PI4KA: variants seen among roughly 807,000 people sequenced by gnomAD.
PI4KA encodes the protein PI4-kinase alpha.
PI4KA carries 122 observed loss-of-function variants against 271.4 expected under a neutral mutation model. That is an observed-to-expected ratio of 0.45 (90% CI 0.39 to 0.52). PI4KA has a LOEUF of 0.52. Ranked by LOEUF, PI4KA falls within the 20% of genes least tolerant of loss-of-function variation. The pLI is 0.00. For synonymous variants in PI4KA, 1,041 were observed against 1,078.8 expected, an observed-to-expected ratio of 0.96 and a Z score of 0.69; for missense variants, 1,969 against 2,769.1, an observed-to-expected ratio of 0.71 and a Z score of 6.48.
chr22:20,779,986 A>G (rs373456844), intron 19 of PI4KA: 13 of 1,614,196 alleles, frequency 8.1e-6, no homozygotes, highest in Non-Finnish European at 1.0e-5. Context: ...AATGACCTTT[A>G]TATCCAGAAG....
chr22:20,854,618 G>A (rs964257635), intron 1 of PI4KA, among the ~76,000 whole-genome samples: 1 of 152,112 alleles, frequency 6.6e-6, no homozygotes, highest in African/African-American at 2.4e-5. Context: ...ACCAATGTCT[G>A]AGCTGAGATG....
intron 25 of PI4KA, among the ~76,000 whole-genome samples, 158 bp from the exon 26 acceptor site, chr22:20,751,913 G>A (rs1292784228): frequency 6.6e-6 from 1 of 152,168 alleles, no homozygotes; most frequent in African/African-American, 2.4e-5. Context: ...GGCCTCCTCA[G>A]GCTCATTGCA....
At chr22:20,833,653 TTTTG>T (rs1569084913) in intron 3 of PI4KA, among the ~76,000 whole-genome samples, 9 of 100,394 alleles carry the variant, frequency 9.0e-5, no homozygotes, top group Non-Finnish European at 1.3e-4. Flanking sequence ...TTTGGTTTGT[TTTTG>T]TTTTTTTTTT....
intron 1 of PI4KA, among the ~76,000 whole-genome samples, chr22:20,844,324 T>C (rs1380937540): frequency 6.6e-6 from 1 of 152,174 alleles, no homozygotes; most frequent in Non-Finnish European, 1.5e-5. Context: ...GGTACAGGGC[T>C]ACTAGAAAGC....
intron 19 of PI4KA, chr22:20,786,739 GTGACTC>G (rs1466429486): frequency 2.1e-4 from 189 of 904,032 alleles, no homozygotes; most frequent in Admixed American, 6.9e-4. Flanking sequence ...ATTTTCAAGA[GTGACTC>G]TGACCAGCTG....
intron 4 of PI4KA, among the ~76,000 whole-genome samples, chr22:20,822,493 A>C (rs936150792): frequency 5.3e-5 from 8 of 152,232 alleles, no homozygotes; most frequent in Non-Finnish European, 8.8e-5. Flanking sequence ...TCACTGTACA[A>C]ATCTGTGATT....
At chr22:20,797,477 T>C (rs1935053655) in intron 17 of PI4KA, among the ~76,000 whole-genome samples, 1 of 151,964 alleles carries the variant, frequency 6.6e-6, no homozygotes, top group South Asian at 2.1e-4. Flanking sequence ...TGTGTGCAGG[T>C]TCCATGGCAG....
chr22:20,858,489 C>T, intron 1 of PI4KA, 81 bp downstream of exon 1: 4 of 1,079,826 alleles, frequency 3.7e-6, no homozygotes, highest in Non-Finnish European at 4.8e-6. Context: ...CTCGGCCTCC[C>T]ACAGACCCTC....
rs572213455 is a variant in PI4KA, at chr22:20,734,732, G to A, written c.3742-179C>T. On this transcript the variant is annotated intron_variant, in intron 32 of 54. Coordinates refer to ENST00000255882, the MANE Select transcript of PI4KA (RefSeq NM_058004.4). ...CCACATCCCAGGGTCATCTGTGTCA[G>A]TGCTTGGTGTATTTTCTCCAGCCTC... 5.1e-6 allele frequency: 4 copies of A among 790,828 alleles called. No homozygotes were observed. The East Asian group carries it at 1.1e-4, about 21-fold the overall frequency. The allele number at this position is 790,828 out of a possible 1,614,324, so 49.0% of individuals were successfully genotyped here.
intron 1 of PI4KA, among the ~76,000 whole-genome samples, chr22:20,857,898 C>T (rs998297874): frequency 5.9e-5 from 9 of 152,188 alleles, no homozygotes; most frequent in Non-Finnish European, 1.3e-4. Flanking sequence ...ATGACTTCAC[C>T]TTTCTCTTCT....
At chr22:20,803,128 A>AG (rs1301378777) in intron 13 of PI4KA, 63 bp downstream of exon 13, 1 of 1,540,396 alleles carries the variant, frequency 6.5e-7, no homozygotes, top group Non-Finnish European at 9.0e-7. Flanking sequence ...AACCTGTGTG[A>AG]GGCTCACACA....
intron 19 of PI4KA, among the ~76,000 whole-genome samples, chr22:20,781,131 A>G (rs1453602821): frequency 2.0e-5 from 3 of 152,154 alleles, no homozygotes; most frequent in African/African-American, 7.2e-5. Flanking sequence ...GCTGAGCACA[A>G]GGGCACTTTT....
At chr22:20,827,127 C>T (rs1187024016) in intron 3 of PI4KA, among the ~76,000 whole-genome samples, 1 of 152,086 alleles carries the variant, frequency 6.6e-6, no homozygotes, top group African/African-American at 2.4e-5. Flanking sequence ...TAAATCTTTG[C>T]CAGGGTCTAT....
chr22:20,819,376 G>A (rs1039970288), intron 6 of PI4KA, among the ~76,000 whole-genome samples: 4 of 151,094 alleles, frequency 2.6e-5, no homozygotes, highest in African/African-American at 7.3e-5. Flanking sequence ...ACATAATGGC[G>A]ATAAGGCTTT....
chr22:20,807,299 T>C lies in PI4KA; in HGVS notation c.1168+63A>G, dbSNP rs180957396. 524 of 1,003,240 alleles carry C rather than the reference T, an allele frequency of 5.2e-4. 1 individual carries two copies. In the African/African-American group the frequency reaches 7.8e-3, roughly 15 times the overall value. The allele number at this position is 1,003,240 out of a possible 1,614,324, so 62.1% of individuals were successfully genotyped here. A position where few individuals can be genotyped will look rare whatever the true frequency, so the allele number is the denominator to read the frequency against. The stretch of plus-strand genomic sequence containing the variant: ...GAGTACCAGTCTGCAACCACTAGCA[T>C]GCGACAGTGGCCTGGGAGCCAGTCT... On this transcript the variant is annotated intron_variant, in intron 10 of 54. Coordinates refer to ENST00000255882, the MANE Select transcript of PI4KA (RefSeq NM_058004.4).
At position 20,858,782 on chromosome 22, in the gene PI4KA, C is replaced by T; in HGVS notation, c.-57G>A. On this transcript the variant is annotated 5_prime_UTR_variant, in exon 1 of 55. Coordinates refer to ENST00000255882, the MANE Select transcript of PI4KA (RefSeq NM_058004.4). ...TCCCCGCTCCTGGCCCGCGAGCGCCCGACCTCAGGGCGCAGGCGTAGGTGC... is the reference window on the plus strand; with the variant it reads ...TCCCCGCTCCTGGCCCGCGAGCGCCTGACCTCAGGGCGCAGGCGTAGGTGC... 2.2e-6 allele frequency: 3 copies of T among 1,367,270 alleles called. No individual in the cohort carries two copies. Among genetic ancestry groups the T allele is most frequent in the Non-Finnish European group, 2.8e-6 (3 of 1,056,316 alleles). 84.7% of individuals were successfully genotyped at this position (1,367,270 alleles called of 1,614,324 possible). A position where few individuals can be genotyped will look rare whatever the true frequency, so the allele number is the denominator to read the frequency against.
intron 19 of PI4KA, among the ~76,000 whole-genome samples, chr22:20,784,572 G>A (rs774349326): frequency 6.6e-6 from 1 of 152,092 alleles, no homozygotes; most frequent in African/African-American, 2.4e-5. Context: ...TTACTTCCCC[G>A]GGTCACTTGA....
intron 13 of PI4KA, 55 bp from the exon 14 acceptor site, chr22:20,802,160 C>T (rs1935372058): frequency 1.3e-6 from 2 of 1,533,838 alleles, no homozygotes; most frequent in South Asian, 2.3e-5. Context: ...TTTCCATCAC[C>T]TTCTTTGTAA....
At chr22:20,806,287 T>C (rs1165355847) in intron 10 of PI4KA, among the ~76,000 whole-genome samples, 1 of 152,184 alleles carries the variant, frequency 6.6e-6, no homozygotes, top group East Asian at 1.9e-4. Flanking sequence ...GCATAAAAGA[T>C]TGTTTCCTCA....
Sources: allele counts gnomAD v4.1 joint callset (sites outside exome capture counted in the v4.1 genomes callset), GRCh38; gene constraint gnomAD v4.1.1; transcripts MANE v1.5; gene names NCBI Gene and HGNC (gene_info 2026-07-23, HGNC 2026-07-21).